Variants in CLN6 observed in about 807,000 individuals in gnomAD.
The protein encoded by CLN6 is CLN6 transmembrane ER protein.
A neutral mutation model predicts 33.3 loss-of-function variants in CLN6; 22 were observed. That is an observed-to-expected ratio of 0.66 (90% CI 0.47 to 0.94). CLN6 has a LOEUF of 0.94. Ranked by LOEUF, CLN6 falls within the 40% of genes least tolerant of loss-of-function variation. CLN6 has a pLI of 0.00. For missense variants in CLN6, 387 were observed against 417.1 expected (o/e 0.93, Z 0.63); for synonymous variants, 201 against 174.6 (o/e 1.15, Z -1.19).
At chr15:68,253,063 CTA>C (rs1224514099) in intron 1 of CLN6, among the ~76,000 whole-genome samples, 4 of 152,286 alleles carry the variant, frequency 2.6e-5, no homozygotes, top group South Asian at 4.1e-4. Flanking sequence ...GTATCAAATA[CTA>C]TAGTTTTTAA....
chr15:68,243,137 T>C (rs765591905), intron 1 of CLN6, among the ~76,000 whole-genome samples: 1 of 152,208 alleles, frequency 6.6e-6, no homozygotes, highest in Non-Finnish European at 1.5e-5. Context: ...TTTTAAACAT[T>C]GTCCTAACCT....
intron 1 of CLN6, among the ~76,000 whole-genome samples, chr15:68,235,008 T>C (rs1397004696): frequency 6.6e-6 from 1 of 151,196 alleles, no homozygotes; most frequent in African/African-American, 2.4e-5. Context: ...CAGAGTGAGA[T>C]TCTGTCTAAA....
rs1331208923 is a variant in CLN6 at position 68,209,465 on chromosome 15, G to C, written c.665+172C>G. ...CAGGCCTGGGCTTCATGGAAACAAA[G>C]AGGCCACCACAGGGCATTGTCACAG... On this transcript the variant is annotated intron_variant, in intron 6 of 6. Transcript: ENST00000249806. This position sits in a 1 kb window ranked among gnomAD's most constrained non-coding sequence, Gnocchi z 4.9. Among the ~76,000 whole-genome samples the C allele has an allele frequency of 1.3e-5, 2 of 152,162 alleles. No individual in the cohort carries two copies. Among genetic ancestry groups the C allele is most frequent in the Non-Finnish European group, 2.9e-5 (2 of 68,032 alleles).
chr15:68,217,060 G>T (rs1308242678), intron 2 of CLN6, among the ~76,000 whole-genome samples: 1 of 152,170 alleles, frequency 6.6e-6, no homozygotes, highest in African/African-American at 2.4e-5. Context: ...CACATAAAGA[G>T]CTTAGAACAG....
Position 68,246,072 on chromosome 15 carries a change from A to C in CLN6, c.179+10618T>G, listed in dbSNP as rs897391816. 5.9e-5 allele frequency among the ~76,000 whole-genome samples: 9 copies of C among 152,168 alleles called. No individual in the cohort carries two copies. The highest frequency in any genetic ancestry group is 1.0e-4 in the Non-Finnish European group (7 of 68,040). The stretch of plus-strand genomic sequence containing the variant: ...TGGAGCACCCAAGTATATTAAGTAA[A>C]TATGAATCAACCTAAAGGCAGAGAT... On this transcript the variant is annotated intron_variant, in intron 1 of 6. Transcript: ENST00000538696. The surrounding 1 kb of genome is among the most constrained non-coding windows in gnomAD (Gnocchi z 4.5).
Position 68,211,945 on chromosome 15 carries a change from G to A in CLN6, c.298-82C>T. On this transcript the variant is annotated intron_variant, in intron 3 of 6. Transcript: ENST00000249806. This position sits in a 1 kb window ranked among gnomAD's most constrained non-coding sequence, Gnocchi z 5.9. ...CCCTCTGCTTCCCCCCTCACACCTG[G>A]GGTGGGATGGACGCTTCCAGCTGGA... The A allele has an allele frequency of 1.4e-6, 2 of 1,395,928 alleles. No individual in the cohort carries two copies. The highest frequency in any genetic ancestry group is 2.4e-5 in the South Asian group (2 of 82,426). The allele number at this position is 1,395,928 out of a possible 1,614,324, so 86.5% of individuals were successfully genotyped here. A position where few individuals can be genotyped will look rare whatever the true frequency, so the allele number is the denominator to read the frequency against.
chr15:68,211,793 C>T lies in CLN6; in HGVS notation c.368G>A (p.Gly123Asp), dbSNP rs104894484. The T allele has an allele frequency of 6.2e-7, 1 of 1,613,908 alleles. No individual in the cohort carries two copies. The highest frequency in any genetic ancestry group is 1.7e-5 in the Admixed American group (1 of 60,006). Reference protein sequence around the residue: ...TYVSIIIFIMGASIHLVGDSV... With the variant: ...TYVSIIIFIMDASIHLVGDSV... Reference sequence around the variant, plus strand: ...GTCACCCACCAGGTGGATGCTGGCACCCATGATGAAGATGATGATGCTCAC... The same window carrying T: ...GTCACCCACCAGGTGGATGCTGGCATCCATGATGAAGATGATGATGCTCAC... Residue 123 changes from glycine (G) to aspartate (D), a missense_variant, in exon 4 of 7, where the codon GGT becomes GAT. Coordinates refer to ENST00000249806, the MANE Select transcript of CLN6 (RefSeq NM_017882.3). The surrounding 1 kb of genome is among the most constrained non-coding windows in gnomAD (Gnocchi z 5.9).
At chr15:68,248,952 T>C (rs559549344) in intron 1 of CLN6, among the ~76,000 whole-genome samples, 1 of 152,134 alleles carries the variant, frequency 6.6e-6, no homozygotes, top group South Asian at 2.1e-4. Context: ...AAGAACTCAA[T>C]AGCAAAACCA....
chr15:68,238,278 C>A (rs1477989247), intron 1 of CLN6, among the ~76,000 whole-genome samples: 2 of 151,804 alleles, frequency 1.3e-5, no homozygotes, highest in African/African-American at 4.8e-5. Context: ...GTGGCACGTG[C>A]CTGTAATCCC....
chr15:68,237,720 G>A (rs1892234511), intron 1 of CLN6, among the ~76,000 whole-genome samples: 1 of 152,174 alleles, frequency 6.6e-6, no homozygotes, highest in African/African-American at 2.4e-5. Flanking sequence ...GAAGGAGAGA[G>A]TAGAGAGAAT....
chr15:68,226,833 A>G (rs1469760031), intron 1 of CLN6, among the ~76,000 whole-genome samples: 1 of 103,488 alleles, frequency 9.7e-6, no homozygotes, highest in East Asian at 2.1e-4. Flanking sequence ...GGCCTGATCC[A>G]TAAAAAGTGC....
At chr15:68,229,752 G>GGCT (rs1567101733), upstream of CLN6, 32 of 328,030 alleles carry the variant, frequency 9.8e-5, no homozygotes, top group Non-Finnish European at 5.3e-5. Context: ...CCCGGGGCGG[G>GGCT]GCGGAGCGGA....
intron 1 of CLN6, chr15:68,254,573 C>G: frequency 1.8e-6 from 1 of 554,142 alleles, no homozygotes; most frequent in Non-Finnish European, 3.2e-6. Context: ...AGAACGACCC[C>G]AGGACAGATC....
In CLN6 at chr15:68,256,132, A is replaced by G. The variant is rs975161657; in HGVS notation, c.179+558T>C. Among the ~76,000 whole-genome samples, 4 of 151,590 alleles carry G rather than the reference A, an allele frequency of 2.6e-5. No individual in the cohort carries two copies. The highest frequency in any genetic ancestry group is 9.7e-5 in the African/African-American group (4 of 41,196). ...TATTATTATTATTTTTTTGAGACGGAGTCTTGCTCTGTCTCCCAAGCTGGA... is the reference window on the plus strand; with the variant it reads ...TATTATTATTATTTTTTTGAGACGGGGTCTTGCTCTGTCTCCCAAGCTGGA... On this transcript the variant is annotated intron_variant, in intron 1 of 6. Transcript: ENST00000538696. The surrounding 1 kb of genome is among the most constrained non-coding windows in gnomAD (Gnocchi z 4.1).
rs1423700135 is a variant in CLN6 at position 68,227,926 on chromosome 15, G to A, written c.83+1576C>T. Among the ~76,000 whole-genome samples, 3 of 152,190 alleles carry A rather than the reference G, an allele frequency of 2.0e-5. No homozygotes were observed. ...TGACCCCCAACTTGGCAAGGATTCG[G>A]AACAGAGACATCCCGCAGGCAGAAG... On this transcript the variant is annotated intron_variant, in intron 1 of 6. Coordinates refer to ENST00000249806, the MANE Select transcript of CLN6 (RefSeq NM_017882.3). The surrounding 1 kb of genome is among the most constrained non-coding windows in gnomAD (Gnocchi z 4.1).
chr15:68,229,151 AC>A (rs2093260485), intron 1 of CLN6, among the ~76,000 whole-genome samples: 1 of 151,904 alleles, frequency 6.6e-6, no homozygotes, highest in African/African-American at 2.4e-5. Context: ...GTGTGTACCC[AC>A]CGCCCTGGGG....
intron 3 of CLN6, chr15:68,212,138 A>G (rs968617959): frequency 3.5e-5 from 17 of 486,238 alleles, no homozygotes; most frequent in Non-Finnish European, 5.3e-5. Flanking sequence ...GTCACACATG[A>G]GCTGTAGGCT....
intron 1 of CLN6, among the ~76,000 whole-genome samples, chr15:68,221,181 G>A (rs1253240523): frequency 6.6e-6 from 1 of 151,796 alleles, no homozygotes; most frequent in East Asian, 1.9e-4. Flanking sequence ...TTGATTACTA[G>A]GCTTATCAGG....
Position 68,229,241 on chromosome 15 carries a change from G to A in CLN6, c.83+261C>T, listed in dbSNP as rs188160705. 3.7e-4 allele frequency among the ~76,000 whole-genome samples: 56 copies of A among 152,306 alleles called. No individual in the cohort carries two copies. The East Asian group carries it at 0.011, about 29-fold the overall frequency. The stretch of plus-strand genomic sequence containing the variant: ...GGAAGGGAGGAAAACCCCAAACTTC[G>A]GGCGGGCGCTCCTCCCACCCGAGCA... On this transcript the variant is annotated intron_variant, in intron 1 of 6. Transcript: ENST00000249806.
Sources: gnomAD v4.1 joint callset for allele counts (sites outside exome capture counted in the v4.1 genomes callset) on GRCh38, gnomAD v4.1.1 for gene constraint, Gnocchi (gnomAD v3.1) non-coding constraint, MANE v1.5 for transcripts, NCBI Gene and HGNC (gene_info 2026-07-23, HGNC 2026-07-21) for gene names.